Variants in DNAH11 observed in about 807,000 individuals in gnomAD.
DNAH11 encodes axonemal beta dynein heavy chain 11.
Under a neutral mutation model 526.0 loss-of-function variants are expected in DNAH11, and 442 were observed. The observed-to-expected ratio is 0.84, with a 90% CI of 0.78 to 0.91. DNAH11 has a LOEUF of 0.91. Ranked by LOEUF, DNAH11 falls within the 40% of genes least tolerant of loss-of-function variation. The pLI is 0.00. For missense variants in DNAH11, 6,989 were observed against 5,448.7 expected, an observed-to-expected ratio of 1.28 and a Z score of -8.90; for synonymous variants, 2,461 against 1,935.9, an observed-to-expected ratio of 1.27 and a Z score of -7.12.
chr7:21,706,485 A>G (rs771449580), intron 39 of DNAH11, among the ~76,000 whole-genome samples: 4 of 152,196 alleles, frequency 2.6e-5, no homozygotes, highest in Non-Finnish European at 5.9e-5. Context: ...ACATTTTTCT[A>G]GTGAAAAATA....
chr7:21,845,190 G>C (rs1193439217), intron 66 of DNAH11, among the ~76,000 whole-genome samples: 1 of 152,026 alleles, frequency 6.6e-6, no homozygotes, highest in African/African-American at 2.4e-5. Flanking sequence ...TCACTTTCTT[G>C]TTGGTGTCCT....
At chr7:21,754,828 G>A (rs1786561054) in intron 54 of DNAH11, among the ~76,000 whole-genome samples, 1 of 152,026 alleles carries the variant, frequency 6.6e-6, no homozygotes, top group Non-Finnish European at 1.5e-5. Flanking sequence ...GTAAAAAATG[G>A]GCAGTCTTTT....
At chr7:21,667,477 G>T (rs1782464877) in intron 30 of DNAH11, among the ~76,000 whole-genome samples, 1 of 152,176 alleles carries the variant, frequency 6.6e-6, no homozygotes, top group Middle Eastern at 3.2e-3. Flanking sequence ...AAAACAGGTG[G>T]TGGGCCAAAT....
chr7:21,802,924 A>C (rs1789059201), intron 62 of DNAH11, among the ~76,000 whole-genome samples: 1 of 150,856 alleles, frequency 6.6e-6, no homozygotes, highest in Non-Finnish European at 1.5e-5. Flanking sequence ...TAGAGGAGAT[A>C]ATTGTGCAAG....
intron 45 of DNAH11, among the ~76,000 whole-genome samples, chr7:21,733,607 T>C (rs1023312793): frequency 6.6e-6 from 1 of 152,212 alleles, no homozygotes; most frequent in African/African-American, 2.4e-5. Context: ...AGCGATGATA[T>C]CTTGTATTCA....
At chr7:21,800,542 G>C (rs3735522) in intron 61 of DNAH11, among the ~76,000 whole-genome samples, 56,798 of 152,014 alleles carry the variant, frequency 0.37, 11,405 homozygotes, top group East Asian at 0.81. Context: ...TGAGGCGCAG[G>C]AATCACTTGA....
In DNAH11 at chr7:21,543,182, TCGGGGGGC is replaced by T; in HGVS notation, c.-62_-55del. 1 of 1,450,762 alleles carries T rather than the reference TCGGGGGGC, an allele frequency of 6.9e-7. No homozygotes were observed. Among genetic ancestry groups the T allele is most frequent in the Non-Finnish European group, 9.0e-7 (1 of 1,108,288 alleles). The allele number at this position is 1,450,762 out of a possible 1,614,324, so 89.9% of individuals were successfully genotyped here. A position where few individuals can be genotyped will look rare whatever the true frequency, so the allele number is the denominator to read the frequency against. On this transcript the variant is annotated 5_prime_UTR_variant, in exon 1 of 82. Coordinates refer to ENST00000409508, the MANE Select transcript of DNAH11 (RefSeq NM_001277115.2). ...GCCTGCGGAGGTGTCCTCGCTCACT[TCGGGGGGC>T]CCAGAGTCTCGGGTGAGGAGCCAGC...
chr7:21,543,790 A>G (rs1366128968), intron 1 of DNAH11, 194 bp downstream of exon 1: 3 of 610,002 alleles, frequency 4.9e-6, no homozygotes, highest in South Asian at 4.3e-5. Flanking sequence ...GCTGCAGGTT[A>G]GTTTCCTAAG....
At chr7:21,692,120 G>T (rs1282846222) in intron 35 of DNAH11, among the ~76,000 whole-genome samples, 2 of 152,136 alleles carry the variant, frequency 1.3e-5, no homozygotes, top group Admixed American at 1.3e-4. Flanking sequence ...AGAAAACTCT[G>T]TATTGTAATT....
chr7:21,598,549 G>A (rs1784951443), intron 14 of DNAH11, among the ~76,000 whole-genome samples: 1 of 151,776 alleles, frequency 6.6e-6, no homozygotes. Context: ...TCTAAACTGG[G>A]TCTATTCCAC....
In DNAH11 at chr7:21,721,454, C is replaced by G. The variant is rs894798064; in HGVS notation, c.7266+598C>G. Among the ~76,000 whole-genome samples the G allele has an allele frequency of 3.3e-5, 5 of 152,046 alleles. No homozygotes were observed. The East Asian group carries it at 9.7e-4, about 29-fold the overall frequency. On this transcript the variant is annotated intron_variant, in intron 44 of 81. Coordinates refer to ENST00000409508, the MANE Select transcript of DNAH11 (RefSeq NM_001277115.2). ...AGCTCAGATCGCCATAACAAAATAC[C>G]ACAAATTGGGTGACTTAAGCAATAG...
chr7:21,617,061 C>T (rs1785815209), intron 22 of DNAH11, among the ~76,000 whole-genome samples: 1 of 152,166 alleles, frequency 6.6e-6, no homozygotes, highest in Non-Finnish European at 1.5e-5. Context: ...TCCTTTATTT[C>T]GTGCTAAGTT....
chr7:21,882,638 A>T (rs924376591), intron 75 of DNAH11, among the ~76,000 whole-genome samples: 3 of 152,178 alleles, frequency 2.0e-5, no homozygotes, highest in African/African-American at 7.2e-5. Flanking sequence ...TCCATAAAAA[A>T]TACAAAAGAT....
chr7:21,691,693 T>G (rs1783638095), intron 35 of DNAH11, among the ~76,000 whole-genome samples: 1 of 152,228 alleles, frequency 6.6e-6, no homozygotes, highest in African/African-American at 2.4e-5. Context: ...TTAGTTCTCT[T>G]CATTTAATAT....
chr7:21,748,580 G>C lies in DNAH11; in HGVS notation c.8511G>C (p.Val2837=). The change falls in exon 52 of 82, where the codon GTG becomes GTC. Residue 2837 remains valine, a splice_region_variant and synonymous_variant. Transcript: ENST00000409508. ...CATAATGGGCGCTTCCTTTCCTCAG[G>C]TGTCGCATCAGCCGGATCTTACGAA... is the stretch of plus-strand genomic sequence containing the variant. The part of the protein sequence containing the change: ...LVLFEDAMQH[V]CRISRILRTP... 6.5e-7 allele frequency: 1 copy of C among 1,528,014 alleles called. No individual in the cohort carries two copies. The highest frequency in any genetic ancestry group is 8.8e-7 in the Non-Finnish European group (1 of 1,133,480). 94.7% of individuals were successfully genotyped at this position (1,528,014 alleles called of 1,614,324 possible).
chr7:21,570,339 G>A, intron 7 of DNAH11, 40 bp downstream of exon 7: 1 of 1,519,102 alleles, frequency 6.6e-7, no homozygotes, highest in Non-Finnish European at 8.9e-7. Context: ...GTTGAAGGTG[G>A]GTGCAAAAAG....
At position 21,854,412 on chromosome 7, in the gene DNAH11, A is replaced by G. The variant is rs946239489; in HGVS notation, c.11159A>G (p.Asn3720Ser). Reference sequence around the variant, plus strand: ...GCATCTCTTCTTTATTTTGTTATTAATGACCTCCAAAAAATCAACCCCCTC... The same window carrying G: ...GCATCTCTTCTTTATTTTGTTATTAGTGACCTCCAAAAAATCAACCCCCTC... ...ARASLLYFVI[N>S]DLQKINPLYQ... is the part of the protein sequence containing the mutation. The change falls in exon 68 of 82, where the codon AAT (asparagine) becomes AGT (serine). Residue 3720 changes from asparagine to serine, a missense_variant. Asn to Ser is a conservative substitution (Grantham distance 46). Transcript: ENST00000409508. 4 of 1,613,766 alleles carry G rather than the reference A, an allele frequency of 2.5e-6. No individual in the cohort carries two copies. The highest frequency in any genetic ancestry group is 3.4e-6 in the Non-Finnish European group (4 of 1,179,850).
Position 21,901,367 on chromosome 7 carries a change from TTC to T in DNAH11, c.*115_*116del. ...AACTTTTTAGTAACTCACACGTGCA[TTC>T]TTTTTTCAACGCTATCCTTAGAGTG... On this transcript the variant is annotated 3_prime_UTR_variant, in exon 82 of 82. Transcript: ENST00000409508. 7.3e-7 allele frequency: 1 copy of T among 1,362,978 alleles called. No individual in the cohort carries two copies. The highest frequency in any genetic ancestry group is 2.1e-5 in the South Asian group (1 of 48,550). The allele number at this position is 1,362,978 out of a possible 1,614,324, so 84.4% of individuals were successfully genotyped here.
chr7:21,595,359 A>G (rs1784825457), intron 14 of DNAH11, among the ~76,000 whole-genome samples: 1 of 152,230 alleles, frequency 6.6e-6, no homozygotes, highest in African/African-American at 2.4e-5. Flanking sequence ...TTGGGAGGAC[A>G]TAAGCATTCA....
Sources: gnomAD v4.1 joint callset for allele counts (sites outside exome capture counted in the v4.1 genomes callset) on GRCh38, gnomAD v4.1.1 for gene constraint, MANE v1.5 for transcripts, NCBI Gene and HGNC (gene_info 2026-07-23, HGNC 2026-07-21) for gene names.